The following FRMD6 variants were observed in gnomAD, a reference collection of about 807,000 sequenced individuals.
The protein encoded by FRMD6 is FERM domain-containing protein 6.
In FRMD6, 37 loss-of-function variants were observed where a neutral mutation model predicts 73.2. That is an observed-to-expected ratio of 0.51 (90% confidence interval 0.39 to 0.66). FRMD6 has a LOEUF of 0.66. FRMD6 is among the 30% of genes least tolerant of loss of function. The pLI is 0.00. For missense variants in FRMD6, 714 were observed against 780.5 expected (o/e 0.91, Z 1.02); for synonymous variants, 273 against 282.2 (o/e 0.97, Z 0.33).
intron 2 of FRMD6, among the ~76,000 whole-genome samples, chr14:51,606,268 G>GACAA (rs10653373): frequency 0.25 from 37,743 of 152,024 alleles, 5,635 homozygotes; most frequent in Non-Finnish European, 0.34. Context: ...AATACACATG[G>GACAA]ACATTCAGAA....
chr14:51,631,929 C>T (rs774435886), intron 2 of FRMD6, among the ~76,000 whole-genome samples: 1 of 152,208 alleles, frequency 6.6e-6, no homozygotes, highest in Non-Finnish European at 1.5e-5. Flanking sequence ...GATCGATGTT[C>T]TTCCCAAACT....
intron 1 of FRMD6, among the ~76,000 whole-genome samples, chr14:51,659,769 T>G (rs1324868577): frequency 6.6e-6 from 1 of 152,198 alleles, no homozygotes; most frequent in Non-Finnish European, 1.5e-5. Context: ...TTCATGTGAG[T>G]ACTTCTGAAG....
intron 2 of FRMD6, among the ~76,000 whole-genome samples, chr14:51,589,777 A>T (rs1212149911): frequency 6.6e-6 from 1 of 152,212 alleles, no homozygotes; most frequent in Non-Finnish European, 1.5e-5. Flanking sequence ...ATAAATGATC[A>T]CGTAAATGAG....
At chr14:51,608,057 A>T (rs1890336446) in intron 2 of FRMD6, among the ~76,000 whole-genome samples, 14 of 152,122 alleles carry the variant, frequency 9.2e-5, no homozygotes, top group Admixed American at 9.2e-4. Flanking sequence ...ATTATTCCCA[A>T]ACCCAGCTAT....
intron 6 of FRMD6, 22 bp downstream of exon 6, chr14:51,704,957 G>A (rs777431867): frequency 5.1e-6 from 8 of 1,583,544 alleles, no homozygotes; most frequent in Admixed American, 3.5e-5. Context: ...TTTCAAATTC[G>A]AAAGAGTGTT....
intron 1 of FRMD6, among the ~76,000 whole-genome samples, chr14:51,506,738 A>C (rs2180785): frequency 0.054 from 8,272 of 152,270 alleles, 393 homozygotes; most frequent in African/African-American, 0.12. Context: ...ATATAAAGAT[A>C]CCTGTTTATA....
At chr14:51,710,924 T>C (rs187869433) in intron 7 of FRMD6, among the ~76,000 whole-genome samples, 2 of 152,280 alleles carry the variant, frequency 1.3e-5, no homozygotes, top group East Asian at 1.9e-4. Context: ...GTGTATCATA[T>C]TGGCAAGTGA....
At chr14:51,720,437 T>A in intron 11 of FRMD6, 47 bp downstream of exon 11, 1 of 1,566,536 alleles carries the variant, frequency 6.4e-7, no homozygotes, top group Non-Finnish European at 8.8e-7. Flanking sequence ...TCTCCCAGTT[T>A]TTTCAAGCAT....
At chr14:51,418,808 C>G in the FRMD6 span, among the ~76,000 whole-genome samples, 1 of 152,242 alleles carries the variant, frequency 6.6e-6, no homozygotes, top group Non-Finnish European at 1.5e-5. Flanking sequence ...GGCAGCTGGC[C>G]TTGCTGAGCT....
chr14:51,501,971 C>T (rs964232132), intron 1 of FRMD6, among the ~76,000 whole-genome samples: 33 of 152,148 alleles, frequency 2.2e-4, no homozygotes, highest in African/African-American at 8.0e-4. Context: ...TTCTCAAATG[C>T]TCAGTGATGT....
At chr14:51,520,344 A>T (rs1299155614) in intron 1 of FRMD6, among the ~76,000 whole-genome samples, 1 of 152,214 alleles carries the variant, frequency 6.6e-6, no homozygotes, top group Non-Finnish European at 1.5e-5. Flanking sequence ...TGCTGATAGG[A>T]ATGTAAAATG....
At chr14:51,510,060 T>C (rs1486669747) in intron 1 of FRMD6, among the ~76,000 whole-genome samples, 3 of 152,232 alleles carry the variant, frequency 2.0e-5, no homozygotes, top group Non-Finnish European at 2.9e-5. Flanking sequence ...AACATTTCAG[T>C]TGGATGTCTA....
At chr14:51,687,605 A>T (rs1410035106) in intron 1 of FRMD6, among the ~76,000 whole-genome samples, 1 of 152,200 alleles carries the variant, frequency 6.6e-6, no homozygotes, top group African/African-American at 2.4e-5. Flanking sequence ...ACTGCATTAA[A>T]TATAAGAAGT....
chr14:51,553,015 T>G (rs1886927840), intron 1 of FRMD6, among the ~76,000 whole-genome samples: 1 of 152,194 alleles, frequency 6.6e-6, no homozygotes, highest in South Asian at 2.1e-4. Context: ...TAGGGGAGAC[T>G]GCCAATACCT....
At chr14:51,547,921 A>G (rs1397550764) in intron 1 of FRMD6, 1 of 151,550 alleles carries the variant, frequency 6.6e-6, no homozygotes, top group Non-Finnish European at 1.5e-5. Flanking sequence ...GGTCTTTTGT[A>G]ATTGAACTAG....
chr14:51,545,653 G>A (rs146367747), intron 1 of FRMD6, among the ~76,000 whole-genome samples: 2,027 of 152,152 alleles, frequency 0.013, 20 homozygotes, highest in Admixed American at 0.029. Context: ...AAATGAGTTA[G>A]TTTATGTAAA....
chr14:51,498,498 T>C (rs889589345), intron 1 of FRMD6, among the ~76,000 whole-genome samples: 5 of 152,232 alleles, frequency 3.3e-5, no homozygotes, highest in Admixed American at 1.3e-4. Context: ...CATGATTCCA[T>C]GGGTTGCCTG....
intron 1 of FRMD6, among the ~76,000 whole-genome samples, chr14:51,545,181 CTG>C (rs1203028628): frequency 1.3e-5 from 2 of 152,032 alleles, no homozygotes; most frequent in South Asian, 4.1e-4. Flanking sequence ...AGCTTGGTGT[CTG>C]TTAACCGAAG....
chr14:51,544,962 A>G (rs1596567231), intron 1 of FRMD6, among the ~76,000 whole-genome samples: 1 of 152,114 alleles, frequency 6.6e-6, no homozygotes, highest in South Asian at 2.1e-4. Context: ...AAACCCACCT[A>G]TAAATTTCCC....
Sources: gnomAD v4.1 joint callset for allele counts (sites outside exome capture counted in the v4.1 genomes callset) on GRCh38, gnomAD v4.1.1 for gene constraint, MANE v1.5 for transcripts, NCBI Gene and HGNC (gene_info 2026-07-23, HGNC 2026-07-21) for gene names.